NAV2: variants seen among roughly 807,000 people sequenced by gnomAD.
NAV2 encodes neuron navigator 2, also known as helicase, APC down-regulated 1.
Under a neutral mutation model 223.2 loss-of-function variants are expected in NAV2, and 54 were observed. The observed-to-expected ratio is 0.24, with a 90% confidence interval of 0.19 to 0.30. The LOEUF (loss-of-function observed/expected upper bound fraction) is 0.30. Ranked by LOEUF, NAV2 falls within the 10% of genes least tolerant of loss-of-function variation. The pLI, the probability that NAV2 is intolerant of heterozygous loss-of-function variation, is 1.00. For missense variants in NAV2, 2,806 were observed against 3,147.5 expected (o/e 0.89, Z 2.60); for synonymous variants, 1,279 against 1,239.3 (o/e 1.03, Z -0.67).
At chr11:19,879,002 G>A (rs1375753826) in intron 4 of NAV2, among the ~76,000 whole-genome samples, 4 of 152,110 alleles carry the variant, frequency 2.6e-5, no homozygotes, top group Non-Finnish European at 5.9e-5. Context: ...TTGCCCCCAA[G>A]GTTCCCTTTC....
intron 3 of NAV2, among the ~76,000 whole-genome samples, chr11:19,846,615 T>C (rs1366878036): frequency 6.6e-6 from 1 of 152,216 alleles, no homozygotes; most frequent in South Asian, 2.1e-4. Flanking sequence ...ATCTACACAG[T>C]GCTTTAAGGC....
At chr11:19,777,019 G>A (rs929035071) in intron 1 of NAV2, among the ~76,000 whole-genome samples, 2 of 151,850 alleles carry the variant, frequency 1.3e-5, no homozygotes, top group African/African-American at 4.8e-5. Flanking sequence ...GTGGCGAAGG[G>A]CCCACTGAAG....
intron 11 of NAV2, among the ~76,000 whole-genome samples, chr11:20,002,984 C>T (rs1565742998): frequency 6.6e-6 from 1 of 152,196 alleles, no homozygotes; most frequent in Admixed American, 6.5e-5. Context: ...ATTACCCCAC[C>T]ATAAATGGGC....
At chr11:20,056,005 G>C in intron 19 of NAV2, 48 bp downstream of exon 19, 1 of 1,555,794 alleles carries the variant, frequency 6.4e-7, no homozygotes, top group Non-Finnish European at 8.7e-7. Context: ...CCATCTCCCA[G>C]GTTACTCAGT....
At chr11:19,586,193 C>T (rs185418382) in intron 1 of NAV2, among the ~76,000 whole-genome samples, 14 of 152,288 alleles carry the variant, frequency 9.2e-5, no homozygotes, top group East Asian at 5.8e-4. Context: ...CTTGTGCATT[C>T]GTCGCATAGT....
intron 5 of NAV2, among the ~76,000 whole-genome samples, chr11:19,888,291 G>A (rs1458224266): frequency 1.3e-5 from 2 of 152,298 alleles, no homozygotes; most frequent in Non-Finnish European, 2.9e-5. Context: ...AAGGGATGCA[G>A]GGTTGACCTG....
rs980829478 is a variant in NAV2 at position 19,892,321 on chromosome 11, A to G, written c.771-113A>G. ...CAAATTCTGTGACTGGCAAACCTCC[A>G]CACAATGTCTTGGATAGTTTCTTTT... is the stretch of plus-strand genomic sequence containing the variant. On this transcript the variant is annotated intron_variant, in intron 5 of 37. Coordinates refer to ENST00000349880, the MANE Select transcript of NAV2 (RefSeq NM_145117.5). 5.8e-6 allele frequency: 6 copies of G among 1,026,830 alleles called. No homozygotes were observed. In the African/African-American group the frequency reaches 8.1e-5, roughly 14 times the overall value. 63.6% of individuals were successfully genotyped at this position (1,026,830 alleles called of 1,614,324 possible).
intron 1 of NAV2, among the ~76,000 whole-genome samples, chr11:19,765,422 T>TCTCCTC (rs1441579814): frequency 2.2e-5 from 3 of 136,466 alleles, no homozygotes; most frequent in South Asian, 2.6e-4. Flanking sequence ...TCTCTCCCTC[T>TCTCCTC]CTCCTCCTCC....
chr11:19,592,277 G>A (rs562014981), intron 1 of NAV2, among the ~76,000 whole-genome samples: 10 of 152,058 alleles, frequency 6.6e-5, no homozygotes, highest in South Asian at 2.1e-4. Context: ...CACTCCCACC[G>A]CTTAATGATC....
rs1264033576 is a variant in NAV2, at chr11:19,933,956, G to A, written c.1712G>A (p.Ser571Asn). The A allele has an allele frequency of 6.3e-7, 1 of 1,596,250 alleles. No homozygotes were observed. Among genetic ancestry groups the A allele is most frequent in the Admixed American group, 1.8e-5 (1 of 56,622 alleles). The change falls in exon 7 of 38, where the codon AGC (serine) becomes AAC (asparagine). Residue 571 changes from serine (S) to asparagine (N), a missense_variant. By Grantham distance (46) the Ser-to-Asn change is conservative (BLOSUM62 1). Coordinates refer to ENST00000349880, the MANE Select transcript of NAV2 (RefSeq NM_145117.5). This position sits in a 1 kb window ranked among gnomAD's most constrained non-coding sequence, Gnocchi z 4.3. ...HSGIPKPGMK[S>N]MPGKSPSAPA... is the part of the protein sequence containing the mutation. ...GGAATACCAAAACCAGGAATGAAAA[G>A]CATGCCCGGGAAATCCCCAAGTGCC...
intron 1 of NAV2, among the ~76,000 whole-genome samples, chr11:19,493,589 G>A (rs2042700244): frequency 1.3e-5 from 2 of 152,154 alleles, no homozygotes; most frequent in Non-Finnish European, 2.9e-5. Context: ...GTTCTGCAGG[G>A]CATTTGTGAA....
chr11:19,480,267 G>A (rs889943193), intron 1 of NAV2, among the ~76,000 whole-genome samples: 1 of 152,132 alleles, frequency 6.6e-6, no homozygotes, highest in African/African-American at 2.4e-5. Context: ...TACTTTACCA[G>A]GCACCCCTTT....
chr11:19,358,939 T>C (rs1853776397), intron 1 of NAV2, among the ~76,000 whole-genome samples: 1 of 152,192 alleles, frequency 6.6e-6, no homozygotes, highest in Non-Finnish European at 1.5e-5. Flanking sequence ...AAATCTATAT[T>C]TAATTGTTTG....
intron 1 of NAV2, among the ~76,000 whole-genome samples, chr11:19,737,959 A>C (rs1376863900): frequency 6.6e-6 from 1 of 152,260 alleles, no homozygotes; most frequent in African/African-American, 2.4e-5. Flanking sequence ...CTCTTAGAGC[A>C]ATTAGTGGTG....
intron 2 of NAV2, among the ~76,000 whole-genome samples, chr11:19,840,361 T>C (rs1370896103): frequency 1.3e-5 from 2 of 152,194 alleles, no homozygotes; most frequent in African/African-American, 4.8e-5. Flanking sequence ...GATGAGAAAT[T>C]AGACCAAGCC....
At chr11:19,729,749 G>A (rs1479711323) in intron 1 of NAV2, among the ~76,000 whole-genome samples, 8 of 152,160 alleles carry the variant, frequency 5.3e-5, no homozygotes, top group African/African-American at 2.4e-5. Flanking sequence ...GGCCACAGCT[G>A]AATCTCAGGT....
intron 1 of NAV2, among the ~76,000 whole-genome samples, chr11:19,478,442 G>T (rs2042183708): frequency 6.6e-6 from 1 of 152,178 alleles, no homozygotes; most frequent in Non-Finnish European, 1.5e-5. Context: ...GAGCAGGCCA[G>T]TTTGGAGTTC....
chr11:19,894,486 T>C (rs1348494766), intron 6 of NAV2, among the ~76,000 whole-genome samples: 2 of 151,978 alleles, frequency 1.3e-5, no homozygotes, highest in Non-Finnish European at 2.9e-5. Context: ...ATTGAGAAAA[T>C]AAAGATAAAA....
chr11:19,637,554 G>C lies in NAV2; in HGVS notation c.76-194930G>C, dbSNP rs575982465. Among the ~76,000 whole-genome samples the C allele has an allele frequency of 2.0e-5, 3 of 152,248 alleles. No homozygotes were observed. The East Asian group carries it at 5.8e-4, about 29-fold the overall frequency. ...AGAAAAGAAGTTTAATTGGCTTGCC[G>C]TTCTGCAGGCTGTACAGGAAGTGTA... is the stretch of plus-strand genomic sequence containing the variant. On this transcript the variant is annotated intron_variant, in intron 1 of 37. Coordinates refer to the NAV2 transcript ENST00000360655.
Sources: gnomAD v4.1 joint callset for allele counts (sites outside exome capture counted in the v4.1 genomes callset) on GRCh38, gnomAD v4.1.1 for gene constraint, Gnocchi (gnomAD v3.1) non-coding constraint, MANE v1.5 for transcripts, NCBI Gene and HGNC (gene_info 2026-07-23, HGNC 2026-07-21) for gene names.